CNBD2: variants seen among roughly 807,000 people sequenced by gnomAD.
CNBD2 encodes cyclic nucleotide-binding domain-containing protein 2.
A neutral mutation model predicts 63.7 loss-of-function variants in CNBD2; 64 were observed. The observed-to-expected ratio is 1.00, with a 90% confidence interval of 0.82 to 1.24. The LOEUF (loss-of-function observed/expected upper bound fraction) is 1.24. CNBD2 is among the 50% of genes most tolerant of loss of function. The pLI is 0.00. For missense variants in CNBD2, 691 were observed against 713.5 expected, an observed-to-expected ratio of 0.97 and a Z score of 0.36; for synonymous variants, 229 against 255.4, an observed-to-expected ratio of 0.90 and a Z score of 0.99.
At chr20:35,995,245 C>A in intron 8 of CNBD2, 93 bp downstream of exon 8, 2 of 805,746 alleles carry the variant, frequency 2.5e-6, no homozygotes, top group South Asian at 1.6e-5. Flanking sequence ...TCTAGTCAGC[C>A]AGCCTGACAG....
At chr20:35,968,516 A>G (rs2056366723), upstream of CNBD2, 1 of 416,762 alleles carries the variant, frequency 2.4e-6, no homozygotes, top group Non-Finnish European at 4.5e-6. Context: ...AGACTCCCAC[A>G]TTCCAATCCC....
chr20:35,980,073 A>G (rs920800635), intron 3 of CNBD2, among the ~76,000 whole-genome samples: 1 of 152,166 alleles, frequency 6.6e-6, no homozygotes, highest in Admixed American at 6.5e-5. Context: ...GCTGAGACAG[A>G]GGCAAAGGTC....
intron 1 of CNBD2, among the ~76,000 whole-genome samples, chr20:35,972,061 G>C (rs576784931): frequency 1.3e-5 from 2 of 152,196 alleles, no homozygotes; most frequent in Non-Finnish European, 2.9e-5. Flanking sequence ...TTATATTACA[G>C]TACTGTAGGC....
intron 11 of CNBD2, among the ~76,000 whole-genome samples, chr20:36,027,677 ATTT>A (rs1199936284): frequency 7.1e-6 from 1 of 141,520 alleles, no homozygotes; most frequent in Non-Finnish European, 1.6e-5. Context: ...ATCATTTGTA[ATTT>A]TTTTTTTTTT....
downstream of CNBD2, chr20:35,955,480 C>G (rs1458356543): frequency 2.6e-5 from 4 of 152,090 alleles, no homozygotes; most frequent in Admixed American, 6.5e-5. Flanking sequence ...GTGAGGCTAC[C>G]TTGGTGGAAT....
upstream of CNBD2, among the ~76,000 whole-genome samples, chr20:35,965,310 T>C (rs1292907465): frequency 1.3e-5 from 2 of 151,732 alleles, no homozygotes; most frequent in Non-Finnish European, 2.9e-5. Context: ...CCCGAGTAGC[T>C]GGGATTACAG....
intron 2 of CNBD2, among the ~76,000 whole-genome samples, chr20:35,963,045 G>T (rs1033654820): frequency 6.6e-6 from 1 of 152,100 alleles, no homozygotes; most frequent in Non-Finnish European, 1.5e-5. Context: ...CTACTTCTAT[G>T]ACAATTAATC....
chr20:35,975,913 T>C (rs548728687), intron 2 of CNBD2, 36 bp from the exon 3 acceptor site: 2 of 1,599,006 alleles, frequency 1.3e-6, no homozygotes, highest in African/African-American at 2.7e-5. Context: ...GCAGTCTTGC[T>C]GATTCTCCCT....
At chr20:35,983,115 A>G (rs567792735) in intron 4 of CNBD2, among the ~76,000 whole-genome samples, 1 of 151,550 alleles carries the variant, frequency 6.6e-6, no homozygotes, top group South Asian at 2.1e-4. Context: ...TTGCAAGGCC[A>G]AGGTGGGAGG....
chr20:36,006,418 GA>G (rs1014803242), intron 8 of CNBD2, among the ~76,000 whole-genome samples: 3 of 151,016 alleles, frequency 2.0e-5, no homozygotes, highest in African/African-American at 7.3e-5. Flanking sequence ...TGACAAATTA[GA>G]AAAAAAATTC....
At chr20:35,959,227 A>AT (rs36108961), downstream of CNBD2, among the ~76,000 whole-genome samples, 13 of 152,182 alleles carry the variant, frequency 8.5e-5, no homozygotes, top group South Asian at 2.1e-4. Flanking sequence ...ATACTTCGTC[A>AT]TTTTTTTAAA....
chr20:36,009,571 C>T (rs912684386), intron 9 of CNBD2, among the ~76,000 whole-genome samples: 4 of 152,076 alleles, frequency 2.6e-5, no homozygotes, highest in Non-Finnish European at 5.9e-5. Context: ...GTGGCTTATG[C>T]CTGTAATCCC....
At chr20:35,972,548 C>A in intron 1 of CNBD2, 81 bp from the exon 2 acceptor site, 1 of 1,360,442 alleles carries the variant, frequency 7.4e-7, no homozygotes, top group Non-Finnish European at 1.0e-6. Flanking sequence ...GTAAATTTCA[C>A]CTTGTTCAGC....
At chr20:35,970,759 A>G (rs536335326) in intron 1 of CNBD2, among the ~76,000 whole-genome samples, 1 of 152,184 alleles carries the variant, frequency 6.6e-6, no homozygotes, top group South Asian at 2.1e-4. Context: ...TCTGTTACCC[A>G]GGTTGGAGTG....
At chr20:35,997,046 C>A (rs950984090) in intron 8 of CNBD2, among the ~76,000 whole-genome samples, 4 of 152,160 alleles carry the variant, frequency 2.6e-5, no homozygotes, top group African/African-American at 9.7e-5. Flanking sequence ...GGGTGATAAC[C>A]AGGCTTGCTG....
In CNBD2 at chr20:35,980,447, C is replaced by G. The variant is rs745874386; in HGVS notation, c.244-12C>G. The G allele has an allele frequency of 1.9e-6, 3 of 1,613,886 alleles. No individual in the cohort carries two copies. In the South Asian group the frequency reaches 3.3e-5, roughly 18 times the overall value. The stretch of plus-strand genomic sequence containing the variant: ...CTGGGTCCCCTGTATCACTCTGGTC[C>G]TCTCTCCCCAGGGTCACTTTCCTCC... On this transcript the variant is annotated splice_polypyrimidine_tract_variant and intron_variant, in intron 3 of 11. Coordinates refer to ENST00000373973, the MANE Select transcript of CNBD2 (RefSeq NM_001365709.1).
At chr20:35,964,306 T>C (rs144574830), upstream of CNBD2, among the ~76,000 whole-genome samples, 5,244 of 151,918 alleles carry the variant, frequency 0.035, 113 homozygotes, top group African/African-American at 0.063. Context: ...TCGGCCTCCC[T>C]AATAGCTGGG....
At chr20:35,974,434 A>G (rs887586620) in intron 2 of CNBD2, 1 of 153,906 alleles carries the variant, frequency 6.5e-6, no homozygotes, top group African/African-American at 2.4e-5. Context: ...ATGCAGAGTC[A>G]CTTGTTGTCA....
intron 8 of CNBD2, among the ~76,000 whole-genome samples, chr20:36,000,417 C>T (rs920391457): frequency 2.6e-5 from 4 of 152,112 alleles, no homozygotes; most frequent in Admixed American, 6.5e-5. Flanking sequence ...CACTCTGTTA[C>T]GCAGGCTGGA....
Sources: allele counts gnomAD v4.1 joint callset (sites outside exome capture counted in the v4.1 genomes callset), GRCh38; gene constraint gnomAD v4.1.1; transcripts MANE v1.5; gene names NCBI Gene and HGNC (gene_info 2026-07-23, HGNC 2026-07-21).